ANKRD11: variants seen among roughly 807,000 people sequenced by gnomAD.
The protein encoded by ANKRD11 is ankyrin repeat domain-containing protein 11.
Under a neutral mutation model 195.7 loss-of-function variants are expected in ANKRD11, and 17 were observed. That is an observed-to-expected ratio of 0.09 (90% CI 0.06 to 0.13). ANKRD11 has a LOEUF of 0.13. Ranked by LOEUF, ANKRD11 falls within the 10% of genes least tolerant of loss-of-function variation. ANKRD11 has a pLI of 1.00. For missense variants in ANKRD11, 3,735 were observed against 3,566.1 expected (o/e 1.05, Z -1.21); for synonymous variants, 1,953 against 1,528.1 (o/e 1.28, Z -6.49).
rs768784226 is a variant in ANKRD11 at position 89,318,899 on chromosome 16, ATT to A, written c.-59-1823_-59-1822del. On this transcript the variant is annotated intron_variant, in intron 2 of 12. Coordinates refer to ENST00000301030, the MANE Select transcript of ANKRD11 (RefSeq NM_013275.6). The stretch of plus-strand genomic sequence containing the variant: ...ATCCCTGATGCCTGAGGCCAGACAT[ATT>A]TTCTCTCTCTACCTGAACCAATGAA... 3.3e-5 allele frequency among the ~76,000 whole-genome samples: 5 copies of A among 152,180 alleles called. No homozygotes were observed. In the East Asian group the frequency reaches 9.7e-4, roughly 29 times the overall value.
At chr16:89,410,506 G>A (rs1444870815) in intron 2 of ANKRD11, among the ~76,000 whole-genome samples, 1 of 152,128 alleles carries the variant, frequency 6.6e-6, no homozygotes, top group Non-Finnish European at 1.5e-5. Context: ...ACCACGCAGA[G>A]CCACGGAAGG....
intron 2 of ANKRD11, among the ~76,000 whole-genome samples, chr16:89,408,270 G>A (rs554615675): frequency 3.5e-4 from 53 of 152,386 alleles, no homozygotes; most frequent in African/African-American, 1.1e-3. Context: ...CCCTAGAGAA[G>A]TGGCAGCCCT....
At chr16:89,301,108 A>G in intron 4 of ANKRD11, 1 of 538,564 alleles carries the variant, frequency 1.9e-6, no homozygotes. Context: ...TTATTTATTT[A>G]TCTATTTTAT....
Position 89,347,901 on chromosome 16 carries a change from T to G in ANKRD11, c.-59-30823A>C, listed in dbSNP as rs139528459. On this transcript the variant is annotated intron_variant, in intron 2 of 12. Coordinates refer to ENST00000301030, the MANE Select transcript of ANKRD11 (RefSeq NM_013275.6). Reference sequence around the variant, plus strand: ...TGAGGAAACTCCCTTCTGTTCTTACTTTGCAGAGCACTTTCCTCATGAATA... The same window carrying G: ...TGAGGAAACTCCCTTCTGTTCTTACGTTGCAGAGCACTTTCCTCATGAATA... 6.0e-4 allele frequency among the ~76,000 whole-genome samples: 91 copies of G among 152,204 alleles called. No individual in the cohort carries two copies. The Middle Eastern group carries it at 0.01, about 17-fold the overall frequency.
chr16:89,452,947 T>C (rs2044150556), intron 1 of ANKRD11, among the ~76,000 whole-genome samples: 1 of 151,974 alleles, frequency 6.6e-6, no homozygotes, highest in Non-Finnish European at 1.5e-5. Flanking sequence ...ACACATACCA[T>C]CTTTTATTTT....
intron 1 of ANKRD11, among the ~76,000 whole-genome samples, chr16:89,423,423 G>T (rs1261336533): frequency 6.6e-6 from 1 of 152,340 alleles, no homozygotes. Flanking sequence ...AGAACGGCCC[G>T]CAGTGCATTC....
At chr16:89,391,568 C>T (rs974190279) in intron 2 of ANKRD11, among the ~76,000 whole-genome samples, 1 of 152,204 alleles carries the variant, frequency 6.6e-6, no homozygotes, top group African/African-American at 2.4e-5. Flanking sequence ...AAGGAAAAAT[C>T]TGAGTTTTCC....
chr16:89,462,962 C>T (rs1437852358), intron 1 of ANKRD11, among the ~76,000 whole-genome samples: 1 of 150,550 alleles, frequency 6.6e-6, no homozygotes, highest in African/African-American at 2.4e-5. Context: ...GGGGGTCAGC[C>T]CCCCCGCCAG....
intron 2 of ANKRD11, among the ~76,000 whole-genome samples, chr16:89,326,054 G>C (rs1727645237): frequency 6.6e-6 from 1 of 152,250 alleles, no homozygotes; most frequent in African/African-American, 2.4e-5. Context: ...TGAAGACGAA[G>C]GGGAGGAGGA....
Position 89,286,063 on chromosome 16 carries a change from T to C in ANKRD11, c.868A>G (p.Thr290Ala), listed in dbSNP as rs776494318. 61 of 1,614,098 alleles carry C rather than the reference T, an allele frequency of 3.8e-5. No individual in the cohort carries two copies. The highest frequency in any genetic ancestry group is 1.8e-4 in the Admixed American group (11 of 60,016). ...CCCGTCGAGCTCTCCTCGCTGGAAG[T>C]GTAAGTGCCTTTGCCTAACAGGAGG... ...VNLLLGKGTY[T>A]SSEESSTESS... is the part of the protein sequence containing the mutation. The change falls in exon 8 of 13, where the codon ACT (threonine) becomes GCT (alanine). Residue 290 changes from threonine (T) to alanine (A), a missense_variant. Thr to Ala is a moderately conservative substitution (Grantham distance 58). Transcript: ENST00000301030.
At chr16:89,408,996 C>T (rs2042015428) in intron 2 of ANKRD11, among the ~76,000 whole-genome samples, 1 of 152,124 alleles carries the variant, frequency 6.6e-6, no homozygotes, top group South Asian at 2.1e-4. Flanking sequence ...CGGCCCCAAC[C>T]CTGCCTCTGG....
intron 2 of ANKRD11, among the ~76,000 whole-genome samples, chr16:89,357,439 C>G (rs911574468): frequency 6.6e-6 from 1 of 151,698 alleles, no homozygotes; most frequent in Non-Finnish European, 1.5e-5. Flanking sequence ...AATGGTGCAA[C>G]TGCCAAAAAA....
At chr16:89,484,805 G>A (rs936668204) in intron 1 of ANKRD11, among the ~76,000 whole-genome samples, 1 of 152,132 alleles carries the variant, frequency 6.6e-6, no homozygotes, top group Non-Finnish European at 1.5e-5. Context: ...AAAATGGTTT[G>A]TTGAGAAAAA....
intron 2 of ANKRD11, among the ~76,000 whole-genome samples, chr16:89,359,897 T>G (rs1184129101): frequency 2.0e-5 from 3 of 152,170 alleles, no homozygotes; most frequent in Non-Finnish European, 4.4e-5. Context: ...ATAGTTTATA[T>G]GTTTTTTAAC....
chr16:89,486,490 C>G (rs2057618994), intron 1 of ANKRD11, among the ~76,000 whole-genome samples: 1 of 151,044 alleles, frequency 6.6e-6, no homozygotes, highest in African/African-American at 2.4e-5. Context: ...TGATATTACA[C>G]TAAGACGCAA....
intron 1 of ANKRD11, among the ~76,000 whole-genome samples, chr16:89,482,412 G>A (rs961008175): frequency 4.6e-5 from 7 of 152,172 alleles, no homozygotes; most frequent in Non-Finnish European, 8.8e-5. Context: ...GGTTGCAGAC[G>A]AGATTAAGGA....
In ANKRD11 at chr16:89,318,516, T is replaced by C. The variant is rs549621793; in HGVS notation, c.-59-1438A>G. On this transcript the variant is annotated intron_variant, in intron 2 of 12. Coordinates refer to ENST00000301030, the MANE Select transcript of ANKRD11 (RefSeq NM_013275.6). ...CAACTCGCTCCCCTGCATTTACCCA[T>C]CTCGCTCATGCACGAAGTATGGCTT... Among the ~76,000 whole-genome samples the C allele has an allele frequency of 4.6e-5, 7 of 152,278 alleles. No homozygotes were observed. In the East Asian group the frequency reaches 1.2e-3, roughly 25 times the overall value.
At chr16:89,288,738 C>G (rs1409532440) in intron 6 of ANKRD11, 68 bp from the exon 7 acceptor site, 2 of 1,605,930 alleles carry the variant, frequency 1.2e-6, no homozygotes, top group Admixed American at 3.3e-5. Flanking sequence ...CTGGAGGCAG[C>G]GCCCTGAGGA....
At chr16:89,420,271 A>G (rs1388061050) in intron 1 of ANKRD11, 1 of 152,186 alleles carries the variant, frequency 6.6e-6, no homozygotes, top group Admixed American at 6.5e-5. Context: ...TCCTGAGAGC[A>G]CTCAAAGCAT....
Sources: gnomAD v4.1 joint callset for allele counts (sites outside exome capture counted in the v4.1 genomes callset) on GRCh38, gnomAD v4.1.1 for gene constraint, MANE v1.5 for transcripts, NCBI Gene and HGNC (gene_info 2026-07-23, HGNC 2026-07-21) for gene names.